Variants in NOP14 observed in about 807,000 individuals in gnomAD.
NOP14 encodes NOP14 nucleolar protein, also known as nucleolar protein 14.
A neutral mutation model predicts 101.6 loss-of-function variants in NOP14; 57 were observed. The ratio of observed to expected loss-of-function variants is 0.56; its 90% confidence interval spans 0.45 to 0.70. The LOEUF (loss-of-function observed/expected upper bound fraction) is 0.70. NOP14 is among the 30% of genes least tolerant of loss of function. NOP14 has a pLI of 0.00. For missense variants in NOP14, 1,134 were observed against 1,075.5 expected (o/e 1.05, Z -0.76); for synonymous variants, 428 against 424.0 (o/e 1.01, Z -0.12).
chr4:2,939,494 C>A (rs1197003842), intron 16 of NOP14, 33 bp downstream of exon 16: 1 of 1,604,928 alleles, frequency 6.2e-7, no homozygotes, highest in Admixed American at 1.7e-5. Context: ...GCCCACAGCC[C>A]TGGCCTCCCA....
intron 3 of NOP14, among the ~76,000 whole-genome samples, chr4:2,955,958 G>C (rs1313695506): frequency 9.2e-5 from 14 of 152,194 alleles, no homozygotes; most frequent in African/African-American, 3.4e-4. Context: ...ACAAAGCTTT[G>C]AGAGTCAGTT....
intron 17 of NOP14, 92 bp downstream of exon 17, chr4:2,939,096 G>C: frequency 1.3e-6 from 2 of 1,566,152 alleles, no homozygotes; most frequent in Non-Finnish European, 1.7e-6. Context: ...CCAAGGCTGT[G>C]GGATGCCAGG....
At chr4:2,958,206 G>A (rs1715479566) in intron 1 of NOP14, among the ~76,000 whole-genome samples, 2 of 152,180 alleles carry the variant, frequency 1.3e-5, no homozygotes, top group South Asian at 4.1e-4. Context: ...AAGTTAGCGA[G>A]GTCACAGTTT....
Position 2,946,191 on chromosome 4 carries a change from G to A in NOP14, c.1635+221C>T, listed in dbSNP as rs553321137. On this transcript the variant is annotated intron_variant, in intron 11 of 17. Coordinates refer to ENST00000416614, the MANE Select transcript of NOP14 (RefSeq NM_001291978.2). ...CACTCTCCAGATCACCCTCACTGCC[G>A]TGCACTCTCCAGATCACCCTCACTG... Among the ~76,000 whole-genome samples the A allele has an allele frequency of 2.8e-4, 27 of 94,900 alleles. 1 individual carries two copies. Among genetic ancestry groups the A allele is most frequent in the Non-Finnish European group, 4.5e-4 (22 of 48,608 alleles). The allele number at this position is 94,900 out of a possible 152,430, so 62.3% of individuals were successfully genotyped here.
At chr4:2,948,515 T>C in intron 8 of NOP14, 107 bp from the exon 9 acceptor site, 2 of 855,058 alleles carry the variant, frequency 2.3e-6, no homozygotes, top group South Asian at 2.1e-5. Flanking sequence ...AGTGCAGTGG[T>C]GCAATCTCAG....
intron 15 of NOP14, chr4:2,940,428 C>T (rs1714071001): frequency 6.6e-6 from 1 of 152,282 alleles, no homozygotes; most frequent in African/African-American, 2.4e-5. Flanking sequence ...CTGGCCCAGT[C>T]TACCGAGACC....
At position 2,945,168 on chromosome 4, in the gene NOP14, A is replaced by G. The variant is rs760446426; in HGVS notation, c.1697T>C (p.Val566Ala). 1.3e-6 allele frequency: 2 copies of G among 1,593,228 alleles called. No individual in the cohort carries two copies. Among genetic ancestry groups the G allele is most frequent in the South Asian group, 2.3e-5 (2 of 87,578 alleles). ...FPTSDFWHPV[V>A]TPALVCLSQL... ...ACTGAGGCACACGAGGGCAGGGGTCACCACTGGGTGCCAGAAGTCGGAAGT... is the reference window on the plus strand; with the variant it reads ...ACTGAGGCACACGAGGGCAGGGGTCGCCACTGGGTGCCAGAAGTCGGAAGT... Residue 566 changes from valine (V) to alanine (A), a missense_variant, in exon 12 of 18, where the codon GTG (valine) becomes GCG (alanine). Coordinates refer to ENST00000416614, the MANE Select transcript of NOP14 (RefSeq NM_001291978.2).
At chr4:2,944,629 A>G (rs1343521031) in intron 12 of NOP14, among the ~76,000 whole-genome samples, 1 of 151,044 alleles carries the variant, frequency 6.6e-6, no homozygotes, top group Non-Finnish European at 1.5e-5. Context: ...CTGGTCTTGA[A>G]CTCCCGACCT....
chr4:2,940,875 G>C (rs1224103193), intron 15 of NOP14: 5 of 153,222 alleles, frequency 3.3e-5, no homozygotes, highest in African/African-American at 4.8e-5. Flanking sequence ...CGCATGAGGG[G>C]AAGGCACGAG....
chr4:2,961,144 C>CTGA (rs1385132036), intron 1 of NOP14, among the ~76,000 whole-genome samples: 8 of 9,942 alleles, frequency 8.0e-4, no homozygotes, highest in East Asian at 5.0e-3. Context: ...TATTAATATA[C>CTGA]TAATATAATA....
intron 15 of NOP14, among the ~76,000 whole-genome samples, 153 bp from the exon 16 acceptor site, chr4:2,939,798 C>T (rs911288279): frequency 6.6e-6 from 1 of 152,264 alleles, no homozygotes; most frequent in Non-Finnish European, 1.5e-5. Context: ...TACCGGTGGG[C>T]GGGGGGGTAA....
Position 2,938,782 on chromosome 4 carries a change from G to T in NOP14, c.*49C>A. On this transcript the variant is annotated 3_prime_UTR_variant, in exon 18 of 18. Transcript: ENST00000416614. ...CTTGGCCTCCCAGAGGGTTGGAATT[G>T]CAGATGTGAGGTAATGTCCAGTTCC... 6.8e-7 allele frequency: 1 copy of T among 1,476,640 alleles called. No individual in the cohort carries two copies. The highest frequency in any genetic ancestry group is 9.4e-7 in the Non-Finnish European group (1 of 1,060,162). 91.5% of individuals were successfully genotyped at this position (1,476,640 alleles called of 1,614,324 possible). A position where few individuals can be genotyped will look rare whatever the true frequency, so the allele number is the denominator to read the frequency against.
chr4:2,938,840 G>T lies in NOP14; in HGVS notation c.2565C>A (p.Phe855Leu), dbSNP rs912783592. The part of the protein sequence containing the change: ...GEWKALKRKK[F>L]KK ...ATTTATAAAATGTAATTTATTTTTT[G>T]AACTTTTTCCTCTTCAGAGCCTTCC... Residue 855 changes from phenylalanine to leucine, a missense_variant, in exon 18 of 18, where the codon TTC (phenylalanine) becomes TTA (leucine). Coordinates refer to ENST00000416614, the MANE Select transcript of NOP14 (RefSeq NM_001291978.2). 2.5e-6 allele frequency: 4 copies of T among 1,611,520 alleles called. No homozygotes were observed. The African/African-American group carries it at 5.3e-5, about 22-fold the overall frequency.
In NOP14 at chr4:2,949,928, G is replaced by C. The variant is rs1360990024; in HGVS notation, c.1282+6C>G. On this transcript the variant is annotated splice_donor_region_variant and intron_variant, in intron 8 of 17. Transcript: ENST00000416614. The stretch of plus-strand genomic sequence containing the variant: ...AGAACCTGAGGAAACCCGCGCACTT[G>C]CCCACCTGCGAACGTGTAGGGCAGC... The C allele has an allele frequency of 1.9e-6, 3 of 1,613,914 alleles. No homozygotes were observed.
At position 2,956,576 on chromosome 4, in the gene NOP14, T is replaced by G. The variant is rs1457940478; in HGVS notation, c.472+94A>C. The G allele has an allele frequency of 4.9e-6, 6 of 1,226,602 alleles. No homozygotes were observed. The African/African-American group carries it at 6.1e-5, about 12-fold the overall frequency. The allele number at this position is 1,226,602 out of a possible 1,614,324, so 76.0% of individuals were successfully genotyped here. A position where few individuals can be genotyped will look rare whatever the true frequency, so the allele number is the denominator to read the frequency against. On this transcript the variant is annotated intron_variant, in intron 3 of 17. Transcript: ENST00000416614. The stretch of plus-strand genomic sequence containing the variant: ...TCAGTAAAACTTTCATGCAATAACT[T>G]TCTCTAGTCTCTAAGAAGAGCAGAA...
At chr4:2,939,444 A>C in intron 16 of NOP14, 83 bp downstream of exon 16, 2 of 1,595,352 alleles carry the variant, frequency 1.3e-6, no homozygotes, top group Non-Finnish European at 8.6e-7. Flanking sequence ...CATCTGCTCA[A>C]CTGCAGAACT....
At chr4:2,957,077 C>T (rs1240390044) in intron 2 of NOP14, among the ~76,000 whole-genome samples, 1 of 152,160 alleles carries the variant, frequency 6.6e-6, no homozygotes, top group Non-Finnish European at 1.5e-5. Flanking sequence ...TCTGGGCTCA[C>T]TGCAACCTCT....
intron 1 of NOP14, among the ~76,000 whole-genome samples, chr4:2,962,243 G>A (rs989802257): frequency 3.3e-5 from 5 of 152,196 alleles, no homozygotes; most frequent in African/African-American, 9.7e-5. Flanking sequence ...GAAGACAAAT[G>A]TGTCTCTTCT....
rs751396327 is a variant in NOP14, at chr4:2,956,651, C to T, written c.472+19G>A. ...CTGACTCCACGCCCACAGGCCCGTG[C>T]ACAGCACCCCAGCCTCACCAGACAA... On this transcript the variant is annotated intron_variant, in intron 3 of 17. Coordinates refer to ENST00000416614, the MANE Select transcript of NOP14 (RefSeq NM_001291978.2). 1.9e-6 allele frequency: 3 copies of T among 1,606,112 alleles called. No individual in the cohort carries two copies. Among genetic ancestry groups the T allele is most frequent in the Non-Finnish European group, 2.5e-6 (3 of 1,177,486 alleles).
Sources: allele counts gnomAD v4.1 joint callset (sites outside exome capture counted in the v4.1 genomes callset), GRCh38; gene constraint gnomAD v4.1.1; transcripts MANE v1.5; gene names NCBI Gene and HGNC (gene_info 2026-07-23, HGNC 2026-07-21).